The following PAPPA2 variants were observed in gnomAD, a reference collection of about 807,000 sequenced individuals.
The protein encoded by PAPPA2 is pappalysin-2.
PAPPA2 carries 86 observed loss-of-function variants against 176.4 expected under a neutral mutation model. That is an observed-to-expected ratio of 0.49 (90% CI 0.41 to 0.58). The LOEUF is 0.58. PAPPA2 is among the 20% of genes least tolerant of loss of function. The probability of loss-of-function intolerance (pLI) is 0.00; values close to 1 mark genes in which losing one functional copy is unlikely to be tolerated. For synonymous variants in PAPPA2, 809 were observed against 852.2 expected (o/e 0.95, Z 0.88); for missense variants, 2,073 against 2,256.9 (o/e 0.92, Z 1.65).
At chr1:176,755,016 C>T (rs548261902) in intron 14 of PAPPA2, among the ~76,000 whole-genome samples, 1 of 152,270 alleles carries the variant, frequency 6.6e-6, no homozygotes, top group East Asian at 1.9e-4. Context: ...CAGTCTCTTC[C>T]CTTCCTCAAC....
intron 21 of PAPPA2, among the ~76,000 whole-genome samples, chr1:176,822,942 A>G (rs750944897): frequency 1.3e-5 from 2 of 152,340 alleles, no homozygotes; most frequent in South Asian, 2.1e-4. Flanking sequence ...TAAGGTAATA[A>G]CCACCAACTA....
chr1:176,516,095 C>G (rs893011390), intron 1 of PAPPA2, among the ~76,000 whole-genome samples: 4 of 152,050 alleles, frequency 2.6e-5, no homozygotes, highest in Admixed American at 2.0e-4. Context: ...AACATGTTCT[C>G]AAGACACCCA....
At chr1:176,526,377 G>A (rs1649500774) in intron 1 of PAPPA2, among the ~76,000 whole-genome samples, 1 of 152,174 alleles carries the variant, frequency 6.6e-6, no homozygotes, top group Admixed American at 6.5e-5. Context: ...TGGAATATGG[G>A]CAAAACTGGT....
At chr1:176,518,349 C>T (rs1185479006) in intron 1 of PAPPA2, among the ~76,000 whole-genome samples, 1 of 151,876 alleles carries the variant, frequency 6.6e-6, no homozygotes. Flanking sequence ...ATAGTTCAAC[C>T]CAAATGCGAA....
At chr1:176,624,003 G>C (rs1419839708) in intron 3 of PAPPA2, among the ~76,000 whole-genome samples, 2 of 151,870 alleles carry the variant, frequency 1.3e-5, no homozygotes, top group Non-Finnish European at 2.9e-5. Context: ...ACCATGTCCA[G>C]CTAAACTTTC....
At chr1:176,804,277 T>C (rs1214319511) in intron 21 of PAPPA2, among the ~76,000 whole-genome samples, 1 of 152,172 alleles carries the variant, frequency 6.6e-6, no homozygotes, top group African/African-American at 2.4e-5. Context: ...TCCTGTGACT[T>C]ATTTCTCTAA....
At chr1:176,748,236 A>T (rs1663014093) in intron 14 of PAPPA2, among the ~76,000 whole-genome samples, 1 of 152,220 alleles carries the variant, frequency 6.6e-6, no homozygotes. Context: ...CATGTGTCTC[A>T]TATCCTGAAA....
chr1:176,716,521 C>T (rs909216716), intron 12 of PAPPA2, among the ~76,000 whole-genome samples: 3 of 151,716 alleles, frequency 2.0e-5, no homozygotes, highest in African/African-American at 7.3e-5. Context: ...GCTGGGATAA[C>T]AGGCATGAGC....
At chr1:176,794,464 C>A (rs1301420917) in intron 20 of PAPPA2, among the ~76,000 whole-genome samples, 1 of 152,132 alleles carries the variant, frequency 6.6e-6, no homozygotes, top group African/African-American at 2.4e-5. Context: ...TTGGAAATAT[C>A]CTCCATCCCT....
At chr1:176,530,805 A>T (rs1649769857) in intron 1 of PAPPA2, among the ~76,000 whole-genome samples, 1 of 152,222 alleles carries the variant, frequency 6.6e-6, no homozygotes, top group Admixed American at 6.5e-5. Flanking sequence ...CATACATTTC[A>T]TGGAGTTCCC....
rs1161443240 is a variant in PAPPA2 at position 176,738,290 on chromosome 1, A to T, written c.3799-1336A>T. Among the ~76,000 whole-genome samples the T allele has an allele frequency of 5.3e-5, 8 of 152,200 alleles. No individual in the cohort carries two copies. In the South Asian group the frequency reaches 1.7e-3, roughly 32 times the overall value. ...GGGGAAAGACACTGTAAAAAGAGAG[A>T]GTGTGACTGGTCTTTCCCTTAAAGA... On this transcript the variant is annotated intron_variant, in intron 12 of 22. Transcript: ENST00000367662.
chr1:176,497,723 C>T (rs1647708469), intron 1 of PAPPA2, among the ~76,000 whole-genome samples: 1 of 152,172 alleles, frequency 6.6e-6, no homozygotes. Flanking sequence ...AGATGAAGAA[C>T]AAGTTCTCCA....
At position 176,709,867 on chromosome 1, in the gene PAPPA2, A is replaced by G. The variant is rs567083923; in HGVS notation, c.3458-116A>G. Reference sequence around the variant, plus strand: ...GAGGTAGGCATTAGACTGGCAGGCAATTGCAGAATTCTCTTCAGTGGGCTG... The same window carrying G: ...GAGGTAGGCATTAGACTGGCAGGCAGTTGCAGAATTCTCTTCAGTGGGCTG... On this transcript the variant is annotated intron_variant, in intron 10 of 22. Coordinates refer to ENST00000367662, the MANE Select transcript of PAPPA2 (RefSeq NM_020318.3). 159 of 866,340 alleles carry G rather than the reference A, an allele frequency of 1.8e-4. No individual in the cohort carries two copies. In the East Asian group the frequency reaches 4.0e-3, roughly 22 times the overall value. 53.7% of individuals were successfully genotyped at this position (866,340 alleles called of 1,614,324 possible). A position where few individuals can be genotyped will look rare whatever the true frequency, so the allele number is the denominator to read the frequency against.
intron 3 of PAPPA2, among the ~76,000 whole-genome samples, chr1:176,598,833 G>A (rs55926110): frequency 0.074 from 11,222 of 151,998 alleles, 1,366 homozygotes; most frequent in African/African-American, 0.26. Context: ...TGTCATCCTG[G>A]GACTTCTCTT....
At chr1:176,801,154 C>G (rs1665669425) in intron 21 of PAPPA2, among the ~76,000 whole-genome samples, 2 of 151,716 alleles carry the variant, frequency 1.3e-5, no homozygotes, top group Admixed American at 1.3e-4. Flanking sequence ...TAAGAATAGC[C>G]AGTGACAAGT....
At chr1:176,743,159 C>G (rs1446579588) in intron 14 of PAPPA2, among the ~76,000 whole-genome samples, 1 of 152,110 alleles carries the variant, frequency 6.6e-6, no homozygotes, top group African/African-American at 2.4e-5. Flanking sequence ...AGGATTTCCT[C>G]CTGATTACAA....
At chr1:176,638,622 G>C (rs533481981) in intron 3 of PAPPA2, among the ~76,000 whole-genome samples, 5 of 151,990 alleles carry the variant, frequency 3.3e-5, no homozygotes, top group Non-Finnish European at 5.9e-5. Flanking sequence ...CCTTCATGGC[G>C]CACTGTAGAT....
intron 21 of PAPPA2, among the ~76,000 whole-genome samples, chr1:176,828,082 A>C (rs934853852): frequency 3.3e-5 from 5 of 152,088 alleles, no homozygotes; most frequent in African/African-American, 1.2e-4. Flanking sequence ...ACAATGCTGG[A>C]GGCAGCATGA....
chr1:176,524,561 G>C (rs965376951), intron 1 of PAPPA2, among the ~76,000 whole-genome samples: 1 of 152,102 alleles, frequency 6.6e-6, no homozygotes, highest in Non-Finnish European at 1.5e-5. Context: ...CTGATGATTG[G>C]GAAAGACTTC....
Sources: gnomAD v4.1 joint callset for allele counts (sites outside exome capture counted in the v4.1 genomes callset) on GRCh38, gnomAD v4.1.1 for gene constraint, MANE v1.5 for transcripts, NCBI Gene and HGNC (gene_info 2026-07-23, HGNC 2026-07-21) for gene names.